The following OSBPL5 variants were observed in gnomAD, a reference collection of about 807,000 sequenced individuals.
OSBPL5 encodes oxysterol binding protein like 5, also known as oxysterol-binding protein-related protein 5.
OSBPL5 carries 71 observed loss-of-function variants against 111.2 expected under a neutral mutation model. That is an observed-to-expected ratio of 0.64 (90% CI 0.53 to 0.78). OSBPL5 has a LOEUF of 0.78. Ranked by LOEUF, OSBPL5 falls within the 30% of genes least tolerant of loss-of-function variation. OSBPL5 has a pLI of 0.00. For missense variants in OSBPL5, 1,210 were observed against 1,189.3 expected (o/e 1.02, Z -0.26); for synonymous variants, 549 against 513.9 (o/e 1.07, Z -0.93).
rs1846971862 is a variant in OSBPL5, at chr11:3,161,659, C to T, written c.-22+3557G>A. On this transcript the variant is annotated intron_variant, in intron 1 of 21. Coordinates refer to ENST00000263650, the MANE Select transcript of OSBPL5 (RefSeq NM_020896.4). The surrounding 1 kb of genome is among the most constrained non-coding windows in gnomAD (Gnocchi z 8.0). ...ACCCACCAGGGACAGATGCCACGCA[C>T]CAGCGGCGCCCACCATGAACCTGGC... 6.6e-6 allele frequency among the ~76,000 whole-genome samples: 1 copy of T among 151,926 alleles called. No individual in the cohort carries two copies. The highest frequency in any genetic ancestry group is 6.6e-5 in the Admixed American group (1 of 15,260).
At chr11:3,123,996 C>A (rs1340635140) in intron 3 of OSBPL5, among the ~76,000 whole-genome samples, 1 of 152,164 alleles carries the variant, frequency 6.6e-6, no homozygotes, top group African/African-American at 2.4e-5. Context: ...CCTGCTCTTT[C>A]AGGGAGAGGC....
At chr11:3,132,538 T>C (rs2134488668) in intron 1 of OSBPL5, among the ~76,000 whole-genome samples, 1 of 152,222 alleles carries the variant, frequency 6.6e-6, no homozygotes, top group South Asian at 2.1e-4. Context: ...ATCCCGTCCC[T>C]GTTCCCCAAG....
rs146288283 is a variant in OSBPL5 at position 3,090,907 on chromosome 11, G to T, written c.2260-211C>A. 1.5e-4 allele frequency among the ~76,000 whole-genome samples: 23 copies of T among 152,336 alleles called. No homozygotes were observed. The East Asian group carries it at 4.2e-3, about 28-fold the overall frequency. ...GGTCCCTTTGAGCCTGTTTCCTCAT[G>T]GGTGAGACAGAGCTACTGACCCCTC... On this transcript the variant is annotated intron_variant, in intron 19 of 21. Coordinates refer to ENST00000263650, the MANE Select transcript of OSBPL5 (RefSeq NM_020896.4).
rs1459076803 is a variant in OSBPL5 at position 3,121,464 on chromosome 11, C to CCTACATGGGCCTGGGCT, written c.402+516_402+532dup. Among the ~76,000 whole-genome samples, 40 of 152,064 alleles carry CCTACATGGGCCTGGGCT rather than the reference C, an allele frequency of 2.6e-4. No homozygotes were observed. Among genetic ancestry groups the CCTACATGGGCCTGGGCT allele is most frequent in the Non-Finnish European group, 5.3e-4 (36 of 68,026 alleles). Reference sequence around the variant, plus strand: ...CATTTTGGTATGCGGGTAGAAGGAGCCTACATGGGCCTGGGCTCTGCAGAC... The same window carrying CCTACATGGGCCTGGGCT: ...CATTTTGGTATGCGGGTAGAAGGAGCCTACATGGGCCTGGGCTCTACATGGGCCTGGGCTCTGCAGAC... On this transcript the variant is annotated intron_variant, in intron 5 of 21. Transcript: ENST00000263650. The surrounding 1 kb of genome is among the most constrained non-coding windows in gnomAD (Gnocchi z 4.3).
intron 6 of OSBPL5, 112 bp downstream of exon 6, chr11:3,120,309 A>G (rs1858358329): frequency 7.4e-7 from 1 of 1,354,470 alleles, no homozygotes; most frequent in Non-Finnish European, 1.0e-6. Flanking sequence ...ACACCTGCTC[A>G]AGGCCCCAAG....
At chr11:3,103,716 AGGCTCTGCTGCCCCTTCCT>A (rs1564829540) in intron 10 of OSBPL5, among the ~76,000 whole-genome samples, 1,471 of 105,790 alleles carry the variant, frequency 0.014, 25 homozygotes, top group African/African-American at 0.036. Flanking sequence ...ACCCCCTTCC[AGGCTCTGCTGCCCCTTCCT>A]GCCTCTGCAA....
At chr11:3,120,651 C>G (rs1004975691) in intron 5 of OSBPL5, 27 bp from the exon 6 acceptor site, 1 of 1,606,542 alleles carries the variant, frequency 6.2e-7, no homozygotes, top group Non-Finnish European at 8.5e-7. Context: ...GGCGTCGATG[C>G]CCACCCTCTG....
chr11:3,098,222 T>G (rs1337393512), intron 14 of OSBPL5, among the ~76,000 whole-genome samples: 3 of 151,434 alleles, frequency 2.0e-5, no homozygotes, highest in African/African-American at 7.3e-5. Context: ...TACATCTACA[T>G]AAGTTATCTA....
At chr11:3,132,068 C>A (rs1485973738) in intron 1 of OSBPL5, among the ~76,000 whole-genome samples, 1 of 151,054 alleles carries the variant, frequency 6.6e-6, no homozygotes. Flanking sequence ...CACCTGCCAC[C>A]CCTCTATCCC....
At chr11:3,103,808 C>CCTGCCTCTGCAGCCCCT (rs1564830367) in intron 10 of OSBPL5, among the ~76,000 whole-genome samples, 1 of 38,214 alleles carries the variant, frequency 2.6e-5, no homozygotes, top group African/African-American at 6.6e-5. Context: ...CTGCAGCCCT[C>CCTGCCTCTGCAGCCCCT]TTCCTGCCTG....
At position 3,107,894 on chromosome 11, in the gene OSBPL5, A is replaced by C. The variant is rs1185433901; in HGVS notation, c.743T>G (p.Leu248Arg). 1 of 1,604,686 alleles carries C rather than the reference A, an allele frequency of 6.2e-7. No individual in the cohort carries two copies. Among genetic ancestry groups the C allele is most frequent in the Non-Finnish European group, 8.5e-7 (1 of 1,179,858 alleles). ...LELALRCSSL[L>R]RLGTCKPGRD... The stretch of plus-strand genomic sequence containing the variant: ...GCCCGGCTTGCAGGTGCCCAGTCTC[A>C]GTAGGCTAGAGCAGCGCAGGGCCAG... The change falls in exon 8 of 22, where the codon CTG becomes CGG. Residue 248 changes from leucine to arginine, a missense_variant. By Grantham distance (102) the Leu-to-Arg change is moderately radical. Coordinates refer to ENST00000263650, the MANE Select transcript of OSBPL5 (RefSeq NM_020896.4). The surrounding 1 kb of genome is among the most constrained non-coding windows in gnomAD (Gnocchi z 6.1).
chr11:3,114,055 A>G (rs1590669612), intron 7 of OSBPL5, among the ~76,000 whole-genome samples: 1 of 152,354 alleles, frequency 6.6e-6, no homozygotes, highest in East Asian at 1.9e-4. Context: ...CAAATTCATC[A>G]TAATTTAGAA....
chr11:3,132,935 G>A (rs576238271), intron 1 of OSBPL5, among the ~76,000 whole-genome samples: 5 of 152,276 alleles, frequency 3.3e-5, no homozygotes, highest in Admixed American at 6.5e-5. Flanking sequence ...CTGTCGTGTC[G>A]CACGGCTCCA....
intron 1 of OSBPL5, among the ~76,000 whole-genome samples, chr11:3,144,902 T>C (rs1290664357): frequency 2.6e-5 from 4 of 152,222 alleles, no homozygotes; most frequent in Non-Finnish European, 5.9e-5. Context: ...CAGTAACATC[T>C]GTACAGACCC....
chr11:3,112,655 G>C (rs1437321488), intron 7 of OSBPL5, among the ~76,000 whole-genome samples: 1 of 152,034 alleles, frequency 6.6e-6, no homozygotes, highest in Non-Finnish European at 1.5e-5. Flanking sequence ...TGGAGACCTA[G>C]GATTCAGTGT....
In OSBPL5 at chr11:3,092,134, C is replaced by G. The variant is rs906978008; in HGVS notation, c.2259+298G>C. On this transcript the variant is annotated intron_variant, in intron 19 of 21. Coordinates refer to ENST00000263650, the MANE Select transcript of OSBPL5 (RefSeq NM_020896.4). This position sits in a 1 kb window ranked among gnomAD's most constrained non-coding sequence, Gnocchi z 5.4. ...CTGCCCTGACCTTCTGTTTCCTGAT[C>G]AGTGGAATGGGATAATGTGGCTGCT... 6.6e-6 allele frequency among the ~76,000 whole-genome samples: 1 copy of G among 152,054 alleles called. No individual in the cohort carries two copies. The highest frequency in any genetic ancestry group is 1.5e-5 in the Non-Finnish European group (1 of 68,000).
intron 14 of OSBPL5, among the ~76,000 whole-genome samples, chr11:3,099,153 C>G (rs960669692): frequency 6.6e-6 from 1 of 152,162 alleles, no homozygotes; most frequent in Non-Finnish European, 1.5e-5. Flanking sequence ...AATCTGAAAA[C>G]GCTCCACACC....
intron 14 of OSBPL5, 61 bp downstream of exon 14, chr11:3,100,097 G>C: frequency 2.7e-6 from 4 of 1,465,704 alleles, no homozygotes; most frequent in Non-Finnish European, 1.9e-6. Flanking sequence ...AAGGGTTTTA[G>C]CATCTAGCTG....
In OSBPL5 at chr11:3,091,781, G is replaced by T. The variant is rs887065088; in HGVS notation, c.2259+651C>A. Among the ~76,000 whole-genome samples the T allele has an allele frequency of 3.9e-5, 6 of 152,204 alleles. 1 individual carries two copies. Among genetic ancestry groups the T allele is most frequent in the Admixed American group, 2.6e-4 (4 of 15,286 alleles). ...TGGAGAAGTTAGGGCCATCAGGCAA[G>T]CAAGGCCTCTCATCTGAGTCTGGCC... On this transcript the variant is annotated intron_variant, in intron 19 of 21. Coordinates refer to ENST00000263650, the MANE Select transcript of OSBPL5 (RefSeq NM_020896.4).
Sources: allele counts gnomAD v4.1 joint callset (sites outside exome capture counted in the v4.1 genomes callset), GRCh38; gene constraint gnomAD v4.1.1; non-coding constraint Gnocchi (gnomAD v3.1); transcripts MANE v1.5; gene names NCBI Gene and HGNC (gene_info 2026-07-23, HGNC 2026-07-21).